The following ZNF804B variants were observed in gnomAD, a reference collection of about 807,000 sequenced individuals.
ZNF804B encodes the protein zinc finger protein 804B, also known as zinc finger 804B.
ZNF804B carries 80 observed loss-of-function variants against 101.4 expected under a neutral mutation model. That is an observed-to-expected ratio of 0.79 (90% CI 0.66 to 0.95). The LOEUF (loss-of-function observed/expected upper bound fraction) is 0.95, where lower values mean the gene tolerates loss of function less well. ZNF804B is among the 40% of genes least tolerant of loss of function. ZNF804B has a pLI of 0.00. For missense variants in ZNF804B, 1,673 were observed against 1,561.9 expected, an observed-to-expected ratio of 1.07 and a Z score of -1.20; for synonymous variants, 622 against 558.8, an observed-to-expected ratio of 1.11 and a Z score of -1.59.
chr7:89,071,905 T>C (rs1325277204), intron 1 of ZNF804B, among the ~76,000 whole-genome samples: 4 of 152,176 alleles, frequency 2.6e-5, no homozygotes, highest in Non-Finnish European at 5.9e-5. Context: ...ATAAGTTTTC[T>C]TACAAATCCT....
intron 1 of ZNF804B, among the ~76,000 whole-genome samples, chr7:88,874,026 T>A: frequency 6.6e-6 from 1 of 152,214 alleles, no homozygotes; most frequent in East Asian, 1.9e-4. Context: ...GGTAGTTTGA[T>A]GGGGATGGCA....
chr7:88,944,012 T>C (rs1793092203), intron 1 of ZNF804B, among the ~76,000 whole-genome samples: 1 of 151,856 alleles, frequency 6.6e-6, no homozygotes, highest in South Asian at 2.1e-4. Flanking sequence ...TTGTTAGACA[T>C]TTAGGTTATT....
chr7:88,817,356 T>G (rs1790900343), intron 1 of ZNF804B, among the ~76,000 whole-genome samples: 1 of 152,042 alleles, frequency 6.6e-6, no homozygotes, highest in Admixed American at 6.5e-5. Flanking sequence ...CTTGTGCACA[T>G]GTACGCTAGA....
chr7:89,311,856 A>G (rs1402732217), intron 2 of ZNF804B, among the ~76,000 whole-genome samples: 1 of 152,222 alleles, frequency 6.6e-6, no homozygotes, highest in African/African-American at 2.4e-5. Context: ...ATGACACTAC[A>G]AAGTTTAACT....
intron 1 of ZNF804B, among the ~76,000 whole-genome samples, chr7:88,874,152 G>C (rs1164923020): frequency 6.6e-6 from 1 of 152,054 alleles, no homozygotes; most frequent in Non-Finnish European, 1.5e-5. Flanking sequence ...TCCTTGAGCA[G>C]TGGTTTGTAG....
intron 2 of ZNF804B, among the ~76,000 whole-genome samples, chr7:89,299,315 A>T (rs544189557): frequency 6.6e-6 from 1 of 152,168 alleles, no homozygotes; most frequent in Admixed American, 6.6e-5. Flanking sequence ...CACAGCCCAA[A>T]TGTCAGTTAT....
chr7:89,102,907 G>A (rs922794619), intron 1 of ZNF804B, among the ~76,000 whole-genome samples: 10 of 151,740 alleles, frequency 6.6e-5, no homozygotes, highest in Non-Finnish European at 1.2e-4. Context: ...CATATGGCTA[G>A]CCAGTTTTCA....
At chr7:89,223,101 A>C (rs561702829) in intron 2 of ZNF804B, among the ~76,000 whole-genome samples, 1 of 151,984 alleles carries the variant, frequency 6.6e-6, no homozygotes, top group African/African-American at 2.4e-5. Context: ...GATTATGATA[A>C]TGATTATAAT....
At chr7:89,010,542 T>C (rs746921370) in intron 1 of ZNF804B, among the ~76,000 whole-genome samples, 5 of 152,188 alleles carry the variant, frequency 3.3e-5, no homozygotes, top group Non-Finnish European at 5.9e-5. Context: ...GAAGCTTCCA[T>C]ACTAACTGGG....
intron 1 of ZNF804B, among the ~76,000 whole-genome samples, chr7:89,023,141 A>G (rs1333318459): frequency 6.6e-6 from 1 of 152,164 alleles, no homozygotes; most frequent in Non-Finnish European, 1.5e-5. Flanking sequence ...CTACCATCCC[A>G]TTTCTAATAT....
chr7:89,101,773 A>C (rs946854850), intron 1 of ZNF804B, among the ~76,000 whole-genome samples: 13 of 151,972 alleles, frequency 8.6e-5, no homozygotes, highest in Non-Finnish European at 1.9e-4. Flanking sequence ...TACATGCTTA[A>C]TGGTAGGGAT....
intron 1 of ZNF804B, among the ~76,000 whole-genome samples, chr7:88,875,741 A>G (rs1791926072): frequency 6.6e-6 from 1 of 152,140 alleles, no homozygotes; most frequent in Non-Finnish European, 1.5e-5. Context: ...ACAAGGAGGA[A>G]CTGGTACCAT....
chr7:88,949,679 G>T (rs1349551377), intron 1 of ZNF804B, among the ~76,000 whole-genome samples: 1 of 151,790 alleles, frequency 6.6e-6, no homozygotes, highest in African/African-American at 2.4e-5. Flanking sequence ...TTTACTTTCT[G>T]ATTGTTGTTT....
At chr7:89,284,414 A>G (rs987639672) in intron 2 of ZNF804B, among the ~76,000 whole-genome samples, 1 of 152,242 alleles carries the variant, frequency 6.6e-6, no homozygotes, top group African/African-American at 2.4e-5. Flanking sequence ...TGCTCTGCAA[A>G]GGAAAAATCA....
chr7:88,776,560 GTTTTTT>G (rs57733765), intron 1 of ZNF804B, among the ~76,000 whole-genome samples: 1 of 75,110 alleles, frequency 1.3e-5, no homozygotes, highest in Admixed American at 1.7e-4. Context: ...GTGGTGTTTT[GTTTTTT>G]TTTTTTTTTT....
At chr7:88,938,235 A>G (rs1793001542) in intron 1 of ZNF804B, among the ~76,000 whole-genome samples, 1 of 152,040 alleles carries the variant, frequency 6.6e-6, no homozygotes, top group Non-Finnish European at 1.5e-5. Context: ...AAGATAAAAG[A>G]TTGTGCAGAC....
intron 2 of ZNF804B, among the ~76,000 whole-genome samples, chr7:89,241,692 G>A (rs1453755017): frequency 1.3e-5 from 2 of 152,124 alleles, no homozygotes; most frequent in East Asian, 3.9e-4. Flanking sequence ...AGCCATGCCA[G>A]TGGTCACCAA....
intron 1 of ZNF804B, among the ~76,000 whole-genome samples, chr7:88,930,060 A>G (rs993009499): frequency 6.6e-6 from 1 of 151,946 alleles, no homozygotes; most frequent in Non-Finnish European, 1.5e-5. Flanking sequence ...TTTATATATT[A>G]AATTATTTTT....
chr7:89,040,322 A>T (rs189093864), intron 1 of ZNF804B, among the ~76,000 whole-genome samples: 1 of 150,298 alleles, frequency 6.7e-6, no homozygotes, highest in East Asian at 2.0e-4. Flanking sequence ...ATTCTTTTGG[A>T]TAATTTCAAA....
Sources: gnomAD v4.1 joint callset for allele counts (sites outside exome capture counted in the v4.1 genomes callset) on GRCh38, gnomAD v4.1.1 for gene constraint, MANE v1.5 for transcripts, NCBI Gene and HGNC (gene_info 2026-07-23, HGNC 2026-07-21) for gene names.